The following ABI3BP variants were observed in gnomAD, a reference collection of about 807,000 sequenced individuals.
ABI3BP encodes the protein target of Nesh-SH3.
Under a neutral mutation model 268.6 loss-of-function variants are expected in ABI3BP, and 216 were observed. That is an observed-to-expected ratio of 0.80 (90% CI 0.72 to 0.90). The LOEUF (loss-of-function observed/expected upper bound fraction) is 0.90, where lower values mean the gene tolerates loss of function less well. ABI3BP is among the 40% of genes least tolerant of loss of function. ABI3BP has a pLI of 0.00. For synonymous variants in ABI3BP, 730 were observed against 730.0 expected (o/e 1.00, Z 0.00); for missense variants, 2,090 against 2,182.4 (o/e 0.96, Z 0.84).
chr3:100,767,094 C>T (rs1277172690), intron 62 of ABI3BP, among the ~76,000 whole-genome samples: 1 of 152,238 alleles, frequency 6.6e-6, no homozygotes, highest in South Asian at 2.1e-4. Flanking sequence ...TCCCGAGTAG[C>T]GCACCACCAC....
chr3:100,766,444 C>T (rs1439497911), intron 62 of ABI3BP, among the ~76,000 whole-genome samples: 1 of 152,160 alleles, frequency 6.6e-6, no homozygotes, highest in East Asian at 1.9e-4. Context: ...ATCACAGCAC[C>T]AAATAGCAGC....
chr3:100,763,250 C>A (rs1276872506), intron 63 of ABI3BP, among the ~76,000 whole-genome samples: 1 of 151,966 alleles, frequency 6.6e-6, no homozygotes, highest in Non-Finnish European at 1.5e-5. Flanking sequence ...CACCTGAGGT[C>A]AGGAGTTCAA....
chr3:100,781,903 C>T (rs191511265), intron 57 of ABI3BP, among the ~76,000 whole-genome samples: 1 of 152,284 alleles, frequency 6.6e-6, no homozygotes, highest in East Asian at 1.9e-4. Context: ...GGAGATTAAG[C>T]AATTTGCCCA....
chr3:100,796,374 A>G (rs2097346454), intron 52 of ABI3BP, 35 bp downstream of exon 52: 20 of 1,494,276 alleles, frequency 1.3e-5, no homozygotes, highest in Admixed American at 2.3e-5. Flanking sequence ...TGAAAAATAT[A>G]CTTCTTAGCC....
chr3:100,903,913 C>T (rs978188366), intron 2 of ABI3BP, among the ~76,000 whole-genome samples: 1 of 152,210 alleles, frequency 6.6e-6, no homozygotes, highest in Non-Finnish European at 1.5e-5. Flanking sequence ...CTGCCCACCA[C>T]ACAGATAAAG....
chr3:100,839,454 G>C, intron 24 of ABI3BP, 115 bp downstream of exon 24: 1 of 1,117,502 alleles, frequency 8.9e-7, no homozygotes, highest in Non-Finnish European at 1.3e-6. Context: ...GTGAGGAAAA[G>C]CGTGGGATGA....
At chr3:100,903,806 G>A (rs886200557) in intron 2 of ABI3BP, among the ~76,000 whole-genome samples, 2 of 152,222 alleles carry the variant, frequency 1.3e-5, no homozygotes, top group East Asian at 1.9e-4. Flanking sequence ...AGCACTATTG[G>A]CTATAACCTG....
At chr3:100,771,905 G>C (rs1210082127) in intron 61 of ABI3BP, among the ~76,000 whole-genome samples, 1 of 151,944 alleles carries the variant, frequency 6.6e-6, no homozygotes, top group Non-Finnish European at 1.5e-5. Flanking sequence ...GATCCAAAAA[G>C]CTCAAAGATA....
chr3:100,894,956 A>AAAAAAAAAAAAAACAAAAACAAAC (rs1554076985), intron 4 of ABI3BP, among the ~76,000 whole-genome samples: 1 of 131,440 alleles, frequency 7.6e-6, no homozygotes, highest in Non-Finnish European at 1.7e-5. Flanking sequence ...AAAAAAAAAA[A>AAAAAAAAAAAAAACAAAAACAAAC]AAAAAAAAAA....
At chr3:100,907,527 A>G (rs2053992827) in intron 2 of ABI3BP, among the ~76,000 whole-genome samples, 1 of 152,152 alleles carries the variant, frequency 6.6e-6, no homozygotes, top group African/African-American at 2.4e-5. Flanking sequence ...TGTCAACACA[A>G]GAAGTATGAA....
At chr3:100,872,056 C>T (rs1281118321) in intron 9 of ABI3BP, among the ~76,000 whole-genome samples, 1 of 152,108 alleles carries the variant, frequency 6.6e-6, no homozygotes, top group Non-Finnish European at 1.5e-5. Context: ...ATTGCCTACG[C>T]TAGTCTTGCA....
At chr3:100,829,167 A>G (rs1273316367) in intron 33 of ABI3BP, among the ~76,000 whole-genome samples, 2 of 152,024 alleles carry the variant, frequency 1.3e-5, no homozygotes, top group Non-Finnish European at 2.9e-5. Flanking sequence ...GAAGAAGAAG[A>G]AGAAAATACT....
intron 34 of ABI3BP, among the ~76,000 whole-genome samples, chr3:100,828,105 T>C (rs1347572536): frequency 6.6e-6 from 1 of 152,118 alleles, no homozygotes; most frequent in African/African-American, 2.4e-5. Context: ...TGTTACAGCC[T>C]GGTTAGCGTA....
chr3:100,792,430 G>A (rs1056693573), intron 55 of ABI3BP, among the ~76,000 whole-genome samples: 2 of 151,440 alleles, frequency 1.3e-5, no homozygotes, highest in East Asian at 3.9e-4. Flanking sequence ...GAAAAAATGG[G>A]ATCTTCCACT....
At chr3:100,911,865 A>T (rs2056638625) in intron 2 of ABI3BP, 1 of 1,599,816 alleles carries the variant, frequency 6.3e-7, no homozygotes, top group Admixed American at 1.7e-5. Flanking sequence ...AAACGTCATG[A>T]TCTGATCTGA....
At chr3:100,960,853 G>A (rs765359459) in intron 1 of ABI3BP, among the ~76,000 whole-genome samples, 1 of 152,144 alleles carries the variant, frequency 6.6e-6, no homozygotes, top group African/African-American at 2.4e-5. Context: ...AATGAGCCTG[G>A]AAGTGGATTC....
intron 4 of ABI3BP, 68 bp downstream of exon 4, chr3:100,898,694 C>T: frequency 1.3e-6 from 2 of 1,524,276 alleles, no homozygotes; most frequent in Non-Finnish European, 1.8e-6. Context: ...TCAATGCTAA[C>T]AGTCCTGATA....
intron 18 of ABI3BP, 38 bp from the exon 19 acceptor site, chr3:100,847,711 G>C (rs3821728): frequency 0.073 from 113,325 of 1,551,422 alleles, 4,668 homozygotes; most frequent in East Asian, 0.18. Context: ...AAATATCCTA[G>C]AGACAATAAA....
At chr3:100,945,730 A>G in intron 1 of ABI3BP, 1 of 408,346 alleles carries the variant, frequency 2.4e-6, no homozygotes, top group Non-Finnish European at 4.8e-6. Flanking sequence ...CCAAATATTC[A>G]TCAAATATTT....
Sources: gnomAD v4.1 joint callset for allele counts (sites outside exome capture counted in the v4.1 genomes callset) on GRCh38, gnomAD v4.1.1 for gene constraint, MANE v1.5 for transcripts, NCBI Gene and HGNC (gene_info 2026-07-23, HGNC 2026-07-21) for gene names.